MAPRE3: variants seen among roughly 807,000 people sequenced by gnomAD.
The protein encoded by MAPRE3 is microtubule-associated protein RP/EB family member 3.
A neutral mutation model predicts 30.5 loss-of-function variants in MAPRE3; 2 were observed. The ratio of observed to expected loss-of-function variants is 0.07; its 90% CI spans 0.03 to 0.21. The LOEUF (loss-of-function observed/expected upper bound fraction) is 0.21, where lower values mean the gene tolerates loss of function less well. Among genes scored for constraint, MAPRE3 ranks in the 10% least tolerant of loss-of-function variants. The pLI, the probability that MAPRE3 is intolerant of heterozygous loss-of-function variation, is 1.00. For synonymous variants in MAPRE3, 110 were observed against 127.7 expected, an observed-to-expected ratio of 0.86 and a Z score of 0.93; for missense variants, 204 against 351.8, an observed-to-expected ratio of 0.58 and a Z score of 3.36.
chr2:26,992,071 T>G (rs1221422013), intron 1 of MAPRE3, among the ~76,000 whole-genome samples: 1 of 152,212 alleles, frequency 6.6e-6, no homozygotes, highest in Non-Finnish European at 1.5e-5. Context: ...AAACTGTTAC[T>G]ACTCCATAAC....
At chr2:26,982,923 A>G (rs1467357387) in intron 1 of MAPRE3, among the ~76,000 whole-genome samples, 2 of 152,178 alleles carry the variant, frequency 1.3e-5, no homozygotes, top group Non-Finnish European at 2.9e-5. Flanking sequence ...TTTGTCCCTA[A>G]TGGACAAGAG....
Position 26,986,780 on chromosome 2 carries a change from A to G in MAPRE3, c.-8+15978A>G, listed in dbSNP as rs62130502. On this transcript the variant is annotated intron_variant, in intron 1 of 6. Coordinates refer to ENST00000233121, the MANE Select transcript of MAPRE3 (RefSeq NM_012326.4). This position sits in a 1 kb window ranked among gnomAD's most constrained non-coding sequence, Gnocchi z 4.2. ...GTGGAGACACCGGCCACTGGAGAAG[A>G]TCCAGAGGATGAATCACAGCAGTAG... is the stretch of plus-strand genomic sequence containing the variant. 0.031 allele frequency: 4,788 copies of G among 152,388 alleles called. 119 individuals carry two copies. Among genetic ancestry groups the G allele is most frequent in the Middle Eastern group, 0.071 (21 of 296 alleles). The allele number at this position is 152,388 out of a possible 1,614,324, so 9.4% of individuals were successfully genotyped here.
At chr2:26,997,263 C>A (rs1666482417) in intron 1 of MAPRE3, among the ~76,000 whole-genome samples, 1 of 152,140 alleles carries the variant, frequency 6.6e-6, no homozygotes, top group African/African-American at 2.4e-5. Context: ...TCAAGCTTGT[C>A]CAATCCGCAG....
intron 4 of MAPRE3, among the ~76,000 whole-genome samples, chr2:27,025,085 G>A (rs1667206913): frequency 6.6e-6 from 1 of 152,188 alleles, no homozygotes; most frequent in Admixed American, 6.5e-5. Flanking sequence ...GGCCACCACT[G>A]TGCAGATACC....
At chr2:26,993,833 C>T (rs541807511) in intron 1 of MAPRE3, among the ~76,000 whole-genome samples, 1 of 152,264 alleles carries the variant, frequency 6.6e-6, no homozygotes, top group South Asian at 2.1e-4. Context: ...TGGCCATGAC[C>T]ATTGATTGTG....
intron 1 of MAPRE3, among the ~76,000 whole-genome samples, chr2:26,983,476 C>G (rs1001758111): frequency 2.6e-5 from 4 of 152,156 alleles, no homozygotes; most frequent in African/African-American, 9.7e-5. Context: ...TCGTGGCTGT[C>G]CCAGGATGTG....
intron 1 of MAPRE3, among the ~76,000 whole-genome samples, chr2:26,994,824 C>CTTTTT (rs59415017): frequency 3.9e-5 from 3 of 76,742 alleles, no homozygotes; most frequent in African/African-American, 1.4e-4. Context: ...TCTTCTTCTT[C>CTTTTT]TTTTTTTTTT....
chr2:26,984,915 A>G (rs1007682695), intron 1 of MAPRE3: 3 of 152,180 alleles, frequency 2.0e-5, no homozygotes, highest in African/African-American at 7.2e-5. Flanking sequence ...CATGTCAGGG[A>G]ACTGTTTTGA....
chr2:27,021,854 C>G (rs991739155), intron 1 of MAPRE3, among the ~76,000 whole-genome samples: 4 of 152,192 alleles, frequency 2.6e-5, no homozygotes, highest in Non-Finnish European at 5.9e-5. Flanking sequence ...CTGAAGCCTT[C>G]GCTGACCCTG....
intron 1 of MAPRE3, among the ~76,000 whole-genome samples, chr2:26,978,516 GCT>G (rs1416166471): frequency 6.6e-6 from 1 of 150,772 alleles, no homozygotes; most frequent in East Asian, 2.0e-4. Context: ...GATTTTAGAT[GCT>G]TAGAGCTCAT....
intron 1 of MAPRE3, among the ~76,000 whole-genome samples, chr2:26,975,046 A>G (rs1173524041): frequency 6.6e-6 from 1 of 152,218 alleles, no homozygotes; most frequent in East Asian, 1.9e-4. Flanking sequence ...ACCGGAGTAT[A>G]TGAAATGTAT....
At chr2:27,018,651 C>T (rs1667040363) in intron 1 of MAPRE3, among the ~76,000 whole-genome samples, 1 of 152,120 alleles carries the variant, frequency 6.6e-6, no homozygotes, top group African/African-American at 2.4e-5. Context: ...CTTTCCTTGA[C>T]CCTACCCACT....
chr2:27,026,699 T>C lies in MAPRE3; in HGVS notation c.*351T>C. 1 of 245,900 alleles carries C rather than the reference T, an allele frequency of 4.1e-6. No individual in the cohort carries two copies. Among genetic ancestry groups the C allele is most frequent in the Non-Finnish European group, 7.7e-6 (1 of 129,408 alleles). The allele number at this position is 245,900 out of a possible 1,614,324, so 15.2% of individuals were successfully genotyped here. ...TGTGTATTTGACAAAGTCATTGGTA[T>C]ATTTTTACTTACTGGATTCTCCTTG... On this transcript the variant is annotated 3_prime_UTR_variant, in exon 7 of 7. Transcript: ENST00000233121.
In MAPRE3 at chr2:27,026,295, C is replaced by G; in HGVS notation, c.793C>G (p.Pro265Ala). 6.2e-7 allele frequency: 1 copy of G among 1,614,000 alleles called. No homozygotes were observed. The highest frequency in any genetic ancestry group is 8.5e-7 in the Non-Finnish European group (1 of 1,179,930). Residue 265 changes from proline to alanine, a missense_variant, in exon 7 of 7, where the codon CCT (proline) becomes GCT (alanine). Physicochemically the swap from Pro to Ala is conservative, Grantham distance 27 (BLOSUM62 -1). Around this residue, in one of 5 missense-constraint regions of MAPRE3, gnomAD observed 26 missense variants for 25.6 expected, o/e 1.02. Coordinates refer to ENST00000233121, the MANE Select transcript of MAPRE3 (RefSeq NM_012326.4). ...CACCCTCCAGGAAGGATTCGCACCC[C>G]CTGAGGACGATGAGATTGAAGAGCA... ...LYATEEGFAP[P>A]EDDEIEEHQQ...
intron 1 of MAPRE3, among the ~76,000 whole-genome samples, chr2:26,973,544 T>C (rs947953430): frequency 2.9e-5 from 4 of 140,336 alleles, no homozygotes; most frequent in East Asian, 2.3e-4. Flanking sequence ...ACAGAAAATA[T>C]AGTTTTTTTT....
At chr2:27,022,064 A>AT (rs1203266814) in intron 1 of MAPRE3, 148 bp from the exon 2 acceptor site, 2 of 843,062 alleles carry the variant, frequency 2.4e-6, no homozygotes, top group Non-Finnish European at 3.7e-6. Context: ...TGTCTAAGGA[A>AT]TAAAGACCCT....
intron 1 of MAPRE3, among the ~76,000 whole-genome samples, chr2:27,016,562 T>C (rs577519442): frequency 1.1e-3 from 161 of 152,122 alleles, no homozygotes; most frequent in African/African-American, 3.8e-3. Flanking sequence ...TTTTTTGTAT[T>C]TTTAGTAGAG....
chr2:27,004,728 T>TAAAAA (rs563188243), intron 1 of MAPRE3, among the ~76,000 whole-genome samples: 11 of 120,438 alleles, frequency 9.1e-5, no homozygotes, highest in African/African-American at 3.1e-4. Flanking sequence ...AAGGATCTAG[T>TAAAAA]AAAAAAAAAA....
chr2:26,971,022 T>G (rs1665906517), intron 1 of MAPRE3, among the ~76,000 whole-genome samples: 2 of 112,756 alleles, frequency 1.8e-5, no homozygotes, highest in Non-Finnish European at 3.8e-5. Context: ...CCCCCTCCCC[T>G]TCCCTCCCCT....
Sources: allele counts gnomAD v4.1 joint callset (sites outside exome capture counted in the v4.1 genomes callset), GRCh38; gene constraint gnomAD v4.1.1; regional missense constraint gnomAD v4.1.1; non-coding constraint Gnocchi (gnomAD v3.1); transcripts MANE v1.5; gene names NCBI Gene and HGNC (gene_info 2026-07-23, HGNC 2026-07-21).